CDKAL1: variants seen among roughly 807,000 people sequenced by gnomAD.
CDKAL1 encodes threonylcarbamoyladenosine tRNA methylthiotransferase.
Under a neutral mutation model 68.2 loss-of-function variants are expected in CDKAL1, and 32 were observed. The observed-to-expected ratio is 0.47, with a 90% CI of 0.35 to 0.63. The LOEUF is 0.63. Among genes scored for constraint, CDKAL1 ranks in the 30% least tolerant of loss-of-function variants. The pLI is 0.00. For missense variants in CDKAL1, 606 were observed against 696.7 expected (o/e 0.87, Z 1.47); for synonymous variants, 234 against 244.3 (o/e 0.96, Z 0.39).
intron 12 of CDKAL1, among the ~76,000 whole-genome samples, chr6:21,067,348 A>G (rs773730292): frequency 2.5e-4 from 38 of 152,240 alleles, no homozygotes; most frequent in Non-Finnish European, 3.2e-4. Flanking sequence ...TTTGCATAAC[A>G]TTATGTTGGC....
chr6:21,202,792 C>A (rs987651459), intron 15 of CDKAL1, among the ~76,000 whole-genome samples: 1 of 152,124 alleles, frequency 6.6e-6, no homozygotes, highest in African/African-American at 2.4e-5. Flanking sequence ...TCTAAAAGGG[C>A]AGTTCCGTTT....
intron 13 of CDKAL1, among the ~76,000 whole-genome samples, chr6:21,196,226 T>TC (rs1778466366): frequency 6.6e-6 from 1 of 152,198 alleles, no homozygotes; most frequent in African/African-American, 2.4e-5. Context: ...TGAAGTGTAA[T>TC]TGCAGATTTC....
At chr6:21,024,685 C>T (rs189362648) in intron 11 of CDKAL1, among the ~76,000 whole-genome samples, 7 of 152,274 alleles carry the variant, frequency 4.6e-5, no homozygotes, top group Non-Finnish European at 7.4e-5. Flanking sequence ...TTTACACAGT[C>T]TATAAGATAG....
At chr6:20,872,117 A>C (rs920110447) in intron 9 of CDKAL1, among the ~76,000 whole-genome samples, 1 of 152,190 alleles carries the variant, frequency 6.6e-6, no homozygotes, top group East Asian at 1.9e-4. Context: ...CCACACAAAA[A>C]ATATCATGTT....
At chr6:21,164,070 A>G (rs1777040284) in intron 13 of CDKAL1, among the ~76,000 whole-genome samples, 1 of 151,990 alleles carries the variant, frequency 6.6e-6, no homozygotes, top group Admixed American at 6.5e-5. Flanking sequence ...ACTGCTCCTA[A>G]TTGTTGGTCT....
chr6:20,565,311 T>G (rs1037308276), intron 4 of CDKAL1, among the ~76,000 whole-genome samples: 4 of 152,170 alleles, frequency 2.6e-5, no homozygotes, highest in Admixed American at 1.3e-4. Flanking sequence ...TTCCTTTACT[T>G]AAAAGTAGGG....
intron 11 of CDKAL1, among the ~76,000 whole-genome samples, chr6:21,008,672 G>A (rs1582017573): frequency 6.6e-6 from 1 of 152,078 alleles, no homozygotes; most frequent in East Asian, 1.9e-4. Context: ...TTTGACTGCA[G>A]CATCCCCAGT....
chr6:21,203,691 C>CTTTT (rs915087377), intron 15 of CDKAL1, among the ~76,000 whole-genome samples: 1 of 94,132 alleles, frequency 1.1e-5, no homozygotes, highest in Non-Finnish European at 2.1e-5. Context: ...CACTTGACCT[C>CTTTT]TTTTTTTTTT....
chr6:20,698,892 G>GT (rs1042701284), intron 5 of CDKAL1, among the ~76,000 whole-genome samples: 1 of 152,118 alleles, frequency 6.6e-6, no homozygotes, highest in African/African-American at 2.4e-5. Flanking sequence ...CACTTTGGGT[G>GT]TTTAAGAGTT....
At chr6:20,924,826 A>G (rs764981028) in intron 9 of CDKAL1, among the ~76,000 whole-genome samples, 1 of 152,276 alleles carries the variant, frequency 6.6e-6, no homozygotes, top group Non-Finnish European at 1.5e-5. Context: ...GAAGGCGCCT[A>G]TGCTAAACAA....
At chr6:20,616,839 C>CCACACACACACACACA (rs756883799) in intron 4 of CDKAL1, among the ~76,000 whole-genome samples, 1,563 of 121,344 alleles carry the variant, frequency 0.013, 30 homozygotes, top group Middle Eastern at 0.021. Flanking sequence ...CCCGACTCTA[C>CCACACACACACACACA]CACACACACA....
At chr6:20,854,079 A>G (rs1242448627) in intron 9 of CDKAL1, among the ~76,000 whole-genome samples, 1 of 152,226 alleles carries the variant, frequency 6.6e-6, no homozygotes, top group Non-Finnish European at 1.5e-5. Context: ...AGGAATTACG[A>G]TGAAAACCAC....
intron 9 of CDKAL1, among the ~76,000 whole-genome samples, chr6:20,866,041 T>C (rs1156998382): frequency 6.6e-6 from 1 of 152,184 alleles, no homozygotes; most frequent in Non-Finnish European, 1.5e-5. Flanking sequence ...TGATCTGCTC[T>C]TGTTTTGCTT....
chr6:21,202,325 T>C (rs1296363984), intron 15 of CDKAL1, among the ~76,000 whole-genome samples: 1 of 151,944 alleles, frequency 6.6e-6, no homozygotes, highest in African/African-American at 2.4e-5. Flanking sequence ...TCCTACCAAA[T>C]GCATCAGCCT....
At chr6:21,143,483 G>T (rs766974828) in intron 13 of CDKAL1, among the ~76,000 whole-genome samples, 1 of 152,148 alleles carries the variant, frequency 6.6e-6, no homozygotes, top group African/African-American at 2.4e-5. Context: ...AGCAGCCTTA[G>T]ACAAAAGCTT....
chr6:21,211,391 C>T (rs1779142304), intron 15 of CDKAL1, among the ~76,000 whole-genome samples: 1 of 152,208 alleles, frequency 6.6e-6, no homozygotes, highest in Admixed American at 6.5e-5. Flanking sequence ...GCTTCGGTAA[C>T]AAATTAACCC....
intron 8 of CDKAL1, among the ~76,000 whole-genome samples, chr6:20,809,019 C>G (rs1465185197): frequency 2.6e-5 from 4 of 152,140 alleles, no homozygotes; most frequent in Admixed American, 2.6e-4. Context: ...AAGGCAAAGA[C>G]CATACATGCA....
At chr6:21,039,570 G>A (rs1769795394) in intron 11 of CDKAL1, among the ~76,000 whole-genome samples, 1 of 152,164 alleles carries the variant, frequency 6.6e-6, no homozygotes, top group African/African-American at 2.4e-5. Flanking sequence ...GTGGAATATG[G>A]AGAACATTTA....
intron 9 of CDKAL1, among the ~76,000 whole-genome samples, chr6:20,880,548 C>T (rs1459081756): frequency 6.6e-6 from 1 of 152,122 alleles, no homozygotes; most frequent in African/African-American, 2.4e-5. Flanking sequence ...AGCCACCGCG[C>T]CTGGCCAAGA....
Sources: gnomAD v4.1 joint callset for allele counts (sites outside exome capture counted in the v4.1 genomes callset) on GRCh38, gnomAD v4.1.1 for gene constraint, MANE v1.5 for transcripts, NCBI Gene and HGNC (gene_info 2026-07-23, HGNC 2026-07-21) for gene names.